CDK11B: variants seen among roughly 807,000 people sequenced by gnomAD.
The protein encoded by CDK11B is cyclin-dependent kinase 11B.
In CDK11B, 37 loss-of-function variants were observed where a neutral mutation model predicts 84.0. The ratio of observed to expected loss-of-function variants is 0.44; its 90% CI spans 0.34 to 0.58. The LOEUF is 0.58. Among genes scored for constraint, CDK11B ranks in the 20% least tolerant of loss-of-function variants. CDK11B has a pLI of 0.02. For synonymous variants in CDK11B, 269 were observed against 309.8 expected (o/e 0.87, Z 1.38); for missense variants, 427 against 834.0 (o/e 0.51, Z 6.01).
rs371114275 is a variant in CDK11B at position 1,657,359 on chromosome 1, A to C, written c.111+16T>G. ...TCTCCTTTAAGAAAACCACTTACTT[A>C]AAAAATATGGCTTACATTTTTTAAG... On this transcript the variant is annotated intron_variant, in intron 2 of 19. Transcript: ENST00000341832. 9.0e-5 allele frequency: 136 copies of C among 1,505,924 alleles called. No individual in the cohort carries two copies. Among genetic ancestry groups the C allele is most frequent in the Non-Finnish European group, 1.2e-4 (135 of 1,120,148 alleles). The allele number at this position is 1,505,924 out of a possible 1,614,324, so 93.3% of individuals were successfully genotyped here.
At chr1:1,653,862 A>C (rs1296573210) in intron 3 of CDK11B, among the ~76,000 whole-genome samples, 1 of 143,540 alleles carries the variant, frequency 7.0e-6, no homozygotes, top group Non-Finnish European at 1.5e-5. Context: ...ACACACACAC[A>C]CCCGAGCGTG....
At chr1:1,640,004 GACAGCAGCGCGGCC>G (rs1640020220) in intron 11 of CDK11B, among the ~76,000 whole-genome samples, 6 of 151,636 alleles carry the variant, frequency 4.0e-5, no homozygotes, top group Non-Finnish European at 7.4e-5. Flanking sequence ...GGGCAGCAGT[GACAGCAGCGCGGCC>G]GCACGCCCAG....
At chr1:1,649,819 A>T (rs1391042711) in intron 4 of CDK11B, among the ~76,000 whole-genome samples, 182 bp from the exon 5 acceptor site, 1 of 151,872 alleles carries the variant, frequency 6.6e-6, no homozygotes, top group Non-Finnish European at 1.5e-5. Flanking sequence ...TACTAAAAAT[A>T]CAAAAATTAG....
chr1:1,636,309 G>A (rs369693053), intron 18 of CDK11B, 24 bp downstream of exon 18: 30 of 1,545,262 alleles, frequency 1.9e-5, no homozygotes, highest in Admixed American at 7.9e-5. Context: ...GGGACCTCCC[G>A]CCACCCGGCT....
At chr1:1,649,461 C>T (rs1641608937) in intron 5 of CDK11B, 38 bp downstream of exon 5, 11 of 1,420,202 alleles carry the variant, frequency 7.7e-6, no homozygotes, top group African/African-American at 2.8e-5. Flanking sequence ...ACTACCACAG[C>T]CCTTTTATAA....
intron 9 of CDK11B, among the ~76,000 whole-genome samples, 161 bp from the exon 10 acceptor site, chr1:1,641,274 C>T (rs1640254562): frequency 2.0e-5 from 3 of 146,758 alleles, no homozygotes; most frequent in African/African-American, 7.3e-5. Flanking sequence ...TTTGGGAGGC[C>T]AAGGCGGGTG....
chr1:1,654,554 A>G (rs1186717646), intron 3 of CDK11B, among the ~76,000 whole-genome samples: 1 of 152,008 alleles, frequency 6.6e-6, no homozygotes, highest in East Asian at 1.9e-4. Flanking sequence ...AAGTGCTGGG[A>G]TTACAGGCGT....
chr1:1,655,931 A>G (rs1642689535), intron 2 of CDK11B, among the ~76,000 whole-genome samples: 1 of 152,210 alleles, frequency 6.6e-6, no homozygotes, highest in Admixed American at 6.5e-5. Context: ...ATCTTATCAC[A>G]TTAAAATTAC....
chr1:1,656,681 T>C (rs1381035382), intron 2 of CDK11B, among the ~76,000 whole-genome samples: 1 of 152,040 alleles, frequency 6.6e-6, no homozygotes, highest in African/African-American at 2.4e-5. Context: ...TCCCAGCTAC[T>C]TGGGAGGCTG....
chr1:1,657,170 A>G (rs560210716), intron 2 of CDK11B: 1 of 1,601,798 alleles, frequency 6.2e-7, no homozygotes, highest in East Asian at 2.2e-5. Flanking sequence ...CAATCTAGAC[A>G]CAGCTTTAGT....
At chr1:1,651,786 G>A (rs1224547727) in intron 4 of CDK11B, among the ~76,000 whole-genome samples, 4 of 150,458 alleles carry the variant, frequency 2.7e-5, no homozygotes, top group East Asian at 3.9e-4. Context: ...ACACACGCAC[G>A]CTTTCAGCTA....
intron 1 of CDK11B, among the ~76,000 whole-genome samples, 182 bp from the exon 2 acceptor site, chr1:1,657,680 C>T (rs1289236711): frequency 8.0e-6 from 1 of 125,306 alleles, no homozygotes; most frequent in Non-Finnish European, 1.6e-5. Context: ...GAGCAGATCG[C>T]TGGAGTTCCG....
At chr1:1,658,290 G>C (rs1442948416) in intron 1 of CDK11B, among the ~76,000 whole-genome samples, 1 of 149,380 alleles carries the variant, frequency 6.7e-6, no homozygotes, top group East Asian at 2.0e-4. Flanking sequence ...GCTGAAGTGC[G>C]CTTGTGAACA....
At chr1:1,641,201 C>G in intron 9 of CDK11B, 88 bp from the exon 10 acceptor site, 1 of 1,559,002 alleles carries the variant, frequency 6.4e-7, no homozygotes, top group Non-Finnish European at 8.7e-7. Context: ...AGCTAAGCAA[C>G]AAGTGTTCCC....
chr1:1,652,761 C>T (rs1304538460), intron 3 of CDK11B, among the ~76,000 whole-genome samples, 195 bp from the exon 4 acceptor site: 9 of 152,110 alleles, frequency 5.9e-5, no homozygotes, highest in African/African-American at 1.7e-4. Flanking sequence ...TAGACAGTCT[C>T]GCTCTGTTGC....
intron 5 of CDK11B, among the ~76,000 whole-genome samples, chr1:1,648,809 A>T (rs1486513244): frequency 2.0e-5 from 3 of 152,014 alleles, no homozygotes; most frequent in Admixed American, 2.0e-4. Flanking sequence ...TCACTCTGTC[A>T]ACCAGGCTGG....
chr1:1,648,680 G>C (rs1021705128), intron 5 of CDK11B, among the ~76,000 whole-genome samples: 6 of 152,188 alleles, frequency 3.9e-5, no homozygotes, highest in African/African-American at 1.2e-4. Flanking sequence ...TGGGAATCTG[G>C]CTCATAAAGG....
intron 4 of CDK11B, among the ~76,000 whole-genome samples, chr1:1,650,010 A>C (rs1413169461): frequency 2.0e-5 from 3 of 150,520 alleles, no homozygotes; most frequent in Admixed American, 6.6e-5. Context: ...GCGGTGGCTC[A>C]CGCCTGTAAT....
rs747913766 is a variant in CDK11B, at chr1:1,636,449, G to T, written c.1950C>A (p.Pro650=). The T allele has an allele frequency of 1.9e-6, 3 of 1,612,822 alleles. No individual in the cohort carries two copies. The highest frequency in any genetic ancestry group is 2.2e-5 in the South Asian group (2 of 90,920). ...TGACTGCTGGGAGCTCGCTGTAGCC[G>T]GGCCAGATTTTCTCACTAGGGGTCC... ...DLGTPSEKIW[P]GYSELPAVKK... is the part of the protein sequence containing the mutation. The change falls in exon 18 of 20, where the codon CCC becomes CCA. Residue 650 remains proline (P), a synonymous_variant. Transcript: ENST00000341832.
Sources: allele counts gnomAD v4.1 joint callset (sites outside exome capture counted in the v4.1 genomes callset), GRCh38; gene constraint gnomAD v4.1.1; transcripts MANE v1.5; gene names NCBI Gene and HGNC (gene_info 2026-07-23, HGNC 2026-07-21).